Variants in ZNF507 observed in about 807,000 individuals in gnomAD.
ZNF507 encodes the protein zinc finger protein 507.
ZNF507 carries 29 observed loss-of-function variants against 80.0 expected under a neutral mutation model. The observed-to-expected ratio is 0.36, with a 90% CI of 0.27 to 0.49. The LOEUF (loss-of-function observed/expected upper bound fraction) is 0.49. ZNF507 is among the 20% of genes least tolerant of loss of function. The pLI is 0.98. For synonymous variants in ZNF507, 462 were observed against 422.5 expected, an observed-to-expected ratio of 1.09 and a Z score of -1.15; for missense variants, 1,081 against 1,152.2, an observed-to-expected ratio of 0.94 and a Z score of 0.90.
At chr19:32,361,670 CTT>C (rs1967324954) in intron 5 of ZNF507, among the ~76,000 whole-genome samples, 1 of 142,326 alleles carries the variant, frequency 7.0e-6, no homozygotes, top group South Asian at 2.3e-4. Flanking sequence ...TCTTTTCTTC[CTT>C]CCTTCCTTTC....
chr19:32,354,636 T>A lies in ZNF507; in HGVS notation c.1806T>A (p.Ala602=). 1.2e-6 allele frequency: 2 copies of A among 1,614,056 alleles called. No individual in the cohort carries two copies. The highest frequency in any genetic ancestry group is 1.7e-6 in the Non-Finnish European group (2 of 1,180,022). ...TGAGAGAAAGGACAGACCAAAACGC[T>A]TCAGACGATGACATTTTGAAAGAGT... ...EKLRERTDQN[A]SDDDILKELQ... The change falls in exon 3 of 7, where the codon GCT becomes GCA. Residue 602 remains alanine (A), a synonymous_variant. Transcript: ENST00000355898.
chr19:32,374,364 A>C (rs193265002), intron 5 of ZNF507, among the ~76,000 whole-genome samples: 1 of 152,014 alleles, frequency 6.6e-6, no homozygotes, highest in Non-Finnish European at 1.5e-5. Context: ...GGCTTTATTG[A>C]GTTATTATTT....
intron 5 of ZNF507, among the ~76,000 whole-genome samples, chr19:32,364,689 T>TA (rs1967374255): frequency 6.6e-6 from 1 of 152,240 alleles, no homozygotes; most frequent in African/African-American, 2.4e-5. Flanking sequence ...GGCTGAGTAG[T>TA]ATTCAATCAT....
chr19:32,376,587 A>G (rs1263606149), intron 5 of ZNF507, among the ~76,000 whole-genome samples: 1 of 152,228 alleles, frequency 6.6e-6, no homozygotes, highest in African/African-American at 2.4e-5. Context: ...TAAATAGTGC[A>G]ATACAGAATT....
intron 5 of ZNF507, chr19:32,380,472 G>A (rs1967609163): frequency 1.2e-6 from 1 of 832,442 alleles, no homozygotes; most frequent in Admixed American, 2.1e-5. Context: ...ACAGCTGCAT[G>A]CTATCACAAA....
rs1967696648 is a variant in ZNF507, at chr19:32,386,848, A to C, written c.*3765A>C. ...TTTTGGTAATAAATTTTTTGTTAAA[A>C]AAAACTTGGCTCCAAGTTCTATTAA... On this transcript the variant is annotated 3_prime_UTR_variant, in exon 7 of 7. Coordinates refer to ENST00000355898, the MANE Select transcript of ZNF507 (RefSeq NM_001136156.2). The C allele has an allele frequency of 6.6e-6, 1 of 152,616 alleles. No homozygotes were observed. Among genetic ancestry groups the C allele is most frequent in the Non-Finnish European group, 1.5e-5 (1 of 68,034 alleles). 9.5% of individuals were successfully genotyped at this position (152,616 alleles called of 1,614,324 possible). A position where few individuals can be genotyped will look rare whatever the true frequency, so the allele number is the denominator to read the frequency against.
Position 32,384,818 on chromosome 19 carries a change from A to T in ZNF507, c.*1735A>T, listed in dbSNP as rs1967667815. 6.6e-6 allele frequency: 1 copy of T among 152,162 alleles called. No homozygotes were observed. Among genetic ancestry groups the T allele is most frequent in the Non-Finnish European group, 1.5e-5 (1 of 68,034 alleles). 9.4% of individuals were successfully genotyped at this position (152,162 alleles called of 1,614,324 possible). ...AGCTTTAATTTATTTATGAAAGTTA[A>T]TCCATTTCTGATACGTGGTTTTTAA... On this transcript the variant is annotated 3_prime_UTR_variant, in exon 7 of 7. Coordinates refer to ENST00000355898, the MANE Select transcript of ZNF507 (RefSeq NM_001136156.2).
At chr19:32,364,494 CT>C (rs1967370451) in intron 5 of ZNF507, among the ~76,000 whole-genome samples, 1 of 152,096 alleles carries the variant, frequency 6.6e-6, no homozygotes. Flanking sequence ...TCCTCCCACT[CT>C]TTCCCCCCAA....
intron 5 of ZNF507, among the ~76,000 whole-genome samples, chr19:32,376,525 A>T (rs1035881027): frequency 3.3e-5 from 5 of 152,184 alleles, no homozygotes; most frequent in African/African-American, 7.2e-5. Context: ...AGGACACGGG[A>T]CCCAACCACA....
At chr19:32,346,058 T>G (rs1344987294) in intron 1 of ZNF507, among the ~76,000 whole-genome samples, 2 of 152,230 alleles carry the variant, frequency 1.3e-5, no homozygotes, top group African/African-American at 4.8e-5. Flanking sequence ...CGTTGCTTCC[T>G]TCTCCAGGCG....
At chr19:32,378,108 C>G (rs1284582284) in intron 5 of ZNF507, among the ~76,000 whole-genome samples, 1 of 152,094 alleles carries the variant, frequency 6.6e-6, no homozygotes, top group Admixed American at 6.5e-5. Context: ...AATCCCAGCA[C>G]TTTGAGAGGG....
intron 1 of ZNF507, among the ~76,000 whole-genome samples, chr19:32,346,506 A>T (rs942316981): frequency 1.3e-5 from 2 of 152,186 alleles, no homozygotes; most frequent in African/African-American, 4.8e-5. Context: ...TTGAGTTTGC[A>T]CTTTCTCCAG....
chr19:32,351,099 G>GT (rs1967156716), intron 2 of ZNF507, among the ~76,000 whole-genome samples: 1 of 152,206 alleles, frequency 6.6e-6, no homozygotes, highest in Admixed American at 6.5e-5. Flanking sequence ...TTGAGAGATT[G>GT]TTTAAGGGAG....
chr19:32,373,515 A>G lies in ZNF507; in HGVS notation c.2361-8952A>G, dbSNP rs74823092. 1.8e-3 allele frequency among the ~76,000 whole-genome samples: 275 copies of G among 152,300 alleles called. 2 individuals carry two copies. Among genetic ancestry groups the G allele is most frequent in the African/African-American group, 6.5e-3 (269 of 41,570 alleles). ...GCAGTCTAGAATGAGCATCTTTCCT[A>G]TGCCTTTGGCAAGTGGTCAGTTGTC... On this transcript the variant is annotated intron_variant, in intron 5 of 6. Coordinates refer to ENST00000355898, the MANE Select transcript of ZNF507 (RefSeq NM_001136156.2).
At chr19:32,364,779 T>C (rs746938113) in intron 5 of ZNF507, among the ~76,000 whole-genome samples, 10 of 152,230 alleles carry the variant, frequency 6.6e-5, no homozygotes, top group Non-Finnish European at 1.3e-4. Context: ...CTATTGTGAA[T>C]TGTGCTGCTA....
At chr19:32,367,135 C>T (rs55844834) in intron 5 of ZNF507, among the ~76,000 whole-genome samples, 59,251 of 151,830 alleles carry the variant, frequency 0.39, 13,385 homozygotes, top group Non-Finnish European at 0.53. Context: ...AGAGGTGAAG[C>T]GGGAGCAGAT....
rs893280306 is a variant in ZNF507 at position 32,345,728 on chromosome 19, G to C, written c.-152G>C. 6.6e-6 allele frequency: 1 copy of C among 152,630 alleles called. No individual in the cohort carries two copies. The highest frequency in any genetic ancestry group is 6.5e-5 in the Admixed American group (1 of 15,290). 9.5% of individuals were successfully genotyped at this position (152,630 alleles called of 1,614,324 possible). ...CAAGGACGAGGGCGAGGGCACGGCC[G>C]GGTCCTGGCTGGCCAAACGAGGCTC... On this transcript the variant is annotated 5_prime_UTR_variant, in exon 1 of 7. Coordinates refer to ENST00000355898, the MANE Select transcript of ZNF507 (RefSeq NM_001136156.2).
In ZNF507 at chr19:32,383,071, A is replaced by G. The variant is rs780212987; in HGVS notation, c.2850A>G (p.Leu950=). The change falls in exon 7 of 7, where the codon CTA becomes CTG. Residue 950 remains leucine, a synonymous_variant. Transcript: ENST00000355898. ...TGAATAAGGACCACAATACAGCTCTAAACACAAATTAGGTGGAATAATGAC... is the reference window on the plus strand; with the variant it reads ...TGAATAAGGACCACAATACAGCTCTGAACACAAATTAGGTGGAATAATGAC... The part of the protein sequence containing the change: ...IILNKDHNTA[L]NTN 3.1e-6 allele frequency: 5 copies of G among 1,611,572 alleles called. No individual in the cohort carries two copies. The highest frequency in any genetic ancestry group is 3.3e-5 in the Admixed American group (2 of 59,920).
At chr19:32,380,543 T>C (rs1410715106) in intron 5 of ZNF507, 7 of 1,483,016 alleles carry the variant, frequency 4.7e-6, no homozygotes, top group Non-Finnish European at 5.5e-6. Context: ...ATTGTTTTAT[T>C]TACTCCTATG....
Sources: allele counts gnomAD v4.1 joint callset (sites outside exome capture counted in the v4.1 genomes callset), GRCh38; gene constraint gnomAD v4.1.1; transcripts MANE v1.5; gene names NCBI Gene and HGNC (gene_info 2026-07-23, HGNC 2026-07-21).